The following ELF1 variants were observed in gnomAD, a reference collection of about 807,000 sequenced individuals.
ELF1 encodes E74 like ETS transcription factor 1.
In ELF1, 24 loss-of-function variants were observed where a neutral mutation model predicts 59.9. The observed-to-expected ratio is 0.40, with a 90% CI of 0.29 to 0.56. The LOEUF is 0.56. ELF1 is among the 20% of genes least tolerant of loss of function. The pLI, the probability that ELF1 is intolerant of heterozygous loss-of-function variation, is 0.44. For missense variants in ELF1, 627 were observed against 742.2 expected (o/e 0.84, Z 1.80); for synonymous variants, 248 against 266.2 (o/e 0.93, Z 0.67).
At position 40,941,409 on chromosome 13, in the gene ELF1, C is replaced by A. The variant is rs776996129; in HGVS notation, c.807-39G>T. On this transcript the variant is annotated intron_variant, in intron 7 of 8. Coordinates refer to ENST00000239882, the MANE Select transcript of ELF1 (RefSeq NM_172373.4). Reference sequence around the variant, plus strand: ...ACAATTTCATCAATCAATCAAACATCAATTAAAATATTCAACAAAATCAAA... The same window carrying A: ...ACAATTTCATCAATCAATCAAACATAAATTAAAATATTCAACAAAATCAAA... 5 of 1,485,566 alleles carry A rather than the reference C, an allele frequency of 3.4e-6. No individual in the cohort carries two copies. In the South Asian group the frequency reaches 4.1e-5, roughly 12 times the overall value. The allele number at this position is 1,485,566 out of a possible 1,614,324, so 92.0% of individuals were successfully genotyped here. A position where few individuals can be genotyped will look rare whatever the true frequency, so the allele number is the denominator to read the frequency against.
At chr13:40,972,916 T>A (rs1872659638) in intron 2 of ELF1, among the ~76,000 whole-genome samples, 1 of 152,090 alleles carries the variant, frequency 6.6e-6, no homozygotes, top group Non-Finnish European at 1.5e-5. Context: ...CCCACCTAAG[T>A]CTTTAAATAA....
In ELF1 at chr13:41,034,129, G is replaced by GAT. The variant is rs574731062; in HGVS notation, c.-229+26707_-229+26708dup. Among the ~76,000 whole-genome samples the GAT allele has an allele frequency of 2.7e-3, 413 of 152,198 alleles. 2 individuals are homozygous for GAT. The highest frequency in any genetic ancestry group is 9.5e-3 in the African/African-American group (394 of 41,520). On this transcript the variant is annotated intron_variant, in intron 1 of 1. Coordinates refer to the ELF1 transcript ENST00000405737. ...AGGCCGTAATCACAAGAAAACAAGAGATATAATCAAATTGAGGGACATTCT... is the reference window on the plus strand; with the variant it reads ...AGGCCGTAATCACAAGAAAACAAGAGATATATAATCAAATTGAGGGACATTCT...
At chr13:41,044,870 T>C (rs1253559692) in intron 1 of ELF1, among the ~76,000 whole-genome samples, 2 of 152,218 alleles carry the variant, frequency 1.3e-5, no homozygotes, top group East Asian at 1.9e-4. Flanking sequence ...GAAGGAATGG[T>C]ACCAGCTCCT....
chr13:40,983,560 T>C (rs1873396467), intron 1 of ELF1, among the ~76,000 whole-genome samples: 1 of 152,176 alleles, frequency 6.6e-6, no homozygotes, highest in Non-Finnish European at 1.5e-5. Flanking sequence ...CTCACTACAC[T>C]AAATTCCAAC....
chr13:41,001,278 AT>A (rs886090992), intron 1 of ELF1, among the ~76,000 whole-genome samples: 8 of 151,194 alleles, frequency 5.3e-5, no homozygotes, highest in African/African-American at 1.2e-4. Flanking sequence ...CCTGGCCAAC[AT>A]TTTTTTTTAA....
chr13:41,060,831 G>C (rs750596948), intron 1 of ELF1: 13 of 264,582 alleles, frequency 4.9e-5, no homozygotes, highest in African/African-American at 6.9e-5. Context: ...AAACTGCCGT[G>C]ACCCACCTGA....
At chr13:40,934,145 C>G (rs1205965698) in intron 8 of ELF1, 117 bp from the exon 9 acceptor site, 4 of 1,353,122 alleles carry the variant, frequency 3.0e-6, no homozygotes, top group Admixed American at 2.6e-5. Flanking sequence ...ATGCTGCTTC[C>G]CATATTTTCA....
intron 1 of ELF1, among the ~76,000 whole-genome samples, chr13:41,036,704 C>T (rs1240042683): frequency 6.6e-6 from 1 of 152,140 alleles, no homozygotes; most frequent in Admixed American, 6.5e-5. Context: ...GGAACCAACC[C>T]AAATGTCCAA....
chr13:40,938,069 G>T (rs745556282), intron 8 of ELF1, among the ~76,000 whole-genome samples: 2 of 152,094 alleles, frequency 1.3e-5, no homozygotes, highest in Non-Finnish European at 1.5e-5. Context: ...CACCCGCCTC[G>T]GCCTCCCAAA....
At chr13:40,960,167 C>G (rs905569636) in intron 2 of ELF1, among the ~76,000 whole-genome samples, 2 of 152,088 alleles carry the variant, frequency 1.3e-5, no homozygotes, top group East Asian at 3.8e-4. Context: ...ATAAAGACAG[C>G]ATAATTATCA....
At chr13:41,041,605 G>A (rs1235441436) in intron 1 of ELF1, among the ~76,000 whole-genome samples, 3 of 152,134 alleles carry the variant, frequency 2.0e-5, no homozygotes, top group African/African-American at 4.8e-5. Flanking sequence ...AGCTAAGGAG[G>A]CAGAGGGTGC....
chr13:41,056,882 T>A (rs1354808648), intron 1 of ELF1, among the ~76,000 whole-genome samples: 1 of 152,012 alleles, frequency 6.6e-6, no homozygotes, highest in Non-Finnish European at 1.5e-5. Flanking sequence ...GGGGGAATAT[T>A]CCAGGCAAAG....
chr13:40,982,424 GCT>G (rs750521543), intron 1 of ELF1, 142 bp from the exon 2 acceptor site: 4 of 401,400 alleles, frequency 1.0e-5, no homozygotes, highest in Non-Finnish European at 1.4e-5. Flanking sequence ...ATGCACATAC[GCT>G]CTTTTTTAAA....
At chr13:40,989,846 A>T (rs1873750115) in intron 1 of ELF1, among the ~76,000 whole-genome samples, 1 of 152,222 alleles carries the variant, frequency 6.6e-6, no homozygotes, top group Admixed American at 6.5e-5. Context: ...GGGGAATTTA[A>T]AAAACCAGAA....
At chr13:40,954,560 G>A (rs1054044778) in intron 3 of ELF1, among the ~76,000 whole-genome samples, 1 of 151,820 alleles carries the variant, frequency 6.6e-6, no homozygotes, top group East Asian at 1.9e-4. Flanking sequence ...TGATTCTCCT[G>A]CCTCAGCCTG....
At position 40,973,572 on chromosome 13, in the gene ELF1, C is replaced by T. The variant is rs185237997; in HGVS notation, c.72+8411G>A. 3.3e-5 allele frequency among the ~76,000 whole-genome samples: 5 copies of T among 151,470 alleles called. No individual in the cohort carries two copies. The South Asian group carries it at 6.3e-4, about 19-fold the overall frequency. ...AAGATCACATAGCAAAACTAAGACA[C>T]ATCAAAGGTGTCAAATGTTAGGGGA... On this transcript the variant is annotated intron_variant, in intron 2 of 8. Coordinates refer to ENST00000239882, the MANE Select transcript of ELF1 (RefSeq NM_172373.4).
Position 40,958,986 on chromosome 13 carries a change from T to C in ELF1, c.103A>G (p.Ile35Val). 6.2e-7 allele frequency: 1 copy of C among 1,611,746 alleles called. No individual in the cohort carries two copies. Among genetic ancestry groups the C allele is most frequent in the Non-Finnish European group, 8.5e-7 (1 of 1,178,974 alleles). The part of the protein sequence containing the change: ...LGDPAIFPAV[I>V]VEHVPGADIL... ...TCAGCACCAGGAACATGTTCCACAA[T>C]TACGGCAGGAAAAATAGCTGGATCA... Residue 35 changes from isoleucine (I) to valine (V), a missense_variant, in exon 3 of 9, where the codon ATT (isoleucine) becomes GTT (valine). Physicochemically the swap from Ile to Val is conservative, Grantham distance 29. Coordinates refer to ENST00000239882, the MANE Select transcript of ELF1 (RefSeq NM_172373.4).
chr13:40,957,437 A>G (rs1012880960), intron 3 of ELF1, among the ~76,000 whole-genome samples: 15 of 148,502 alleles, frequency 1.0e-4, no homozygotes, highest in African/African-American at 9.9e-5. Context: ...AAAGCAAGAT[A>G]TATTTGGGGA....
chr13:41,038,552 T>C (rs1469947762), intron 1 of ELF1, among the ~76,000 whole-genome samples: 3 of 152,062 alleles, frequency 2.0e-5, no homozygotes, highest in Non-Finnish European at 4.4e-5. Flanking sequence ...GATTCTATCT[T>C]GTCTGAAAAA....
Sources: gnomAD v4.1 joint callset for allele counts (sites outside exome capture counted in the v4.1 genomes callset) on GRCh38, gnomAD v4.1.1 for gene constraint, MANE v1.5 for transcripts, NCBI Gene and HGNC (gene_info 2026-07-23, HGNC 2026-07-21) for gene names.